Variants in DMXL1 observed in about 807,000 individuals in gnomAD.
DMXL1 encodes dmX-like protein 1.
A neutral mutation model predicts 319.2 loss-of-function variants in DMXL1; 99 were observed. That is an observed-to-expected ratio of 0.31 (90% CI 0.26 to 0.37). DMXL1 has a LOEUF of 0.37. Among genes scored for constraint, DMXL1 ranks in the 10% least tolerant of loss-of-function variants. The probability of loss-of-function intolerance (pLI) is 1.00; values close to 1 mark genes in which losing one functional copy is unlikely to be tolerated. For synonymous variants in DMXL1, 1,385 were observed against 1,235.2 expected, an observed-to-expected ratio of 1.12 and a Z score of -2.54; for missense variants, 3,745 against 3,595.6, an observed-to-expected ratio of 1.04 and a Z score of -1.06.
At chr5:119,080,163 A>G (rs571286881) in intron 1 of DMXL1, among the ~76,000 whole-genome samples, 1 of 152,270 alleles carries the variant, frequency 6.6e-6, no homozygotes, top group Non-Finnish European at 1.5e-5. Context: ...CCTGGCCAAC[A>G]TGATGAAACC....
chr5:119,097,551 A>G (rs1314334228), intron 1 of DMXL1, among the ~76,000 whole-genome samples: 1 of 152,170 alleles, frequency 6.6e-6, no homozygotes, highest in Non-Finnish European at 1.5e-5. Context: ...CCCCATCTCT[A>G]CTAAAAATAC....
chr5:119,089,399 G>A (rs1243542248), intron 1 of DMXL1, among the ~76,000 whole-genome samples: 5 of 140,560 alleles, frequency 3.6e-5, no homozygotes, highest in African/African-American at 1.3e-4. Context: ...TCTGCCTCCT[G>A]GGTTCAAGCA....
intron 10 of DMXL1, 126 bp from the exon 11 acceptor site, chr5:119,133,006 A>T: frequency 1.0e-6 from 1 of 986,262 alleles, no homozygotes; most frequent in Non-Finnish European, 1.5e-6. Context: ...GAAGGGGTAC[A>T]GAGCTTCCAT....
chr5:119,102,869 T>G (rs895931381), intron 3 of DMXL1, among the ~76,000 whole-genome samples: 1 of 152,068 alleles, frequency 6.6e-6, no homozygotes, highest in Non-Finnish European at 1.5e-5. Flanking sequence ...GTAAGGGAGC[T>G]AAATGATGAG....
chr5:119,175,513 C>T (rs1775627400), intron 26 of DMXL1, among the ~76,000 whole-genome samples, 176 bp downstream of exon 26: 4 of 152,076 alleles, frequency 2.6e-5, no homozygotes, highest in Admixed American at 2.6e-4. Context: ...AGATGAATCT[C>T]AAACCCTTAT....
At chr5:119,164,808 A>G (rs1173929000) in intron 20 of DMXL1, 132 bp downstream of exon 20, 9 of 699,078 alleles carry the variant, frequency 1.3e-5, no homozygotes, top group African/African-American at 1.8e-5. Flanking sequence ...TAGTCTTTAC[A>G]TTTCATTTAT....
At chr5:119,180,422 T>C (rs1776579127) in intron 28 of DMXL1, among the ~76,000 whole-genome samples, 1 of 152,128 alleles carries the variant, frequency 6.6e-6, no homozygotes, top group Admixed American at 6.5e-5. Flanking sequence ...CCATCCTGCC[T>C]ATTACTCATC....
intron 30 of DMXL1, among the ~76,000 whole-genome samples, chr5:119,196,064 C>G (rs758056901): frequency 6.6e-6 from 1 of 151,914 alleles, no homozygotes; most frequent in Admixed American, 6.6e-5. Context: ...TACTACATAC[C>G]GAAACTGACT....
At chr5:119,092,355 A>G (rs1255110729) in intron 1 of DMXL1, among the ~76,000 whole-genome samples, 1 of 151,854 alleles carries the variant, frequency 6.6e-6, no homozygotes, top group Non-Finnish European at 1.5e-5. Flanking sequence ...CCTGGGCTCA[A>G]GCGATCTTTT....
At chr5:119,150,498 G>A (rs1421125881) in intron 18 of DMXL1, 77 bp downstream of exon 18, 2 of 1,444,754 alleles carry the variant, frequency 1.4e-6, no homozygotes, top group African/African-American at 1.4e-5. Context: ...TTATTAAAAT[G>A]ATGCCATTGG....
chr5:119,071,982 T>A (rs566654254), intron 1 of DMXL1, among the ~76,000 whole-genome samples: 1 of 152,300 alleles, frequency 6.6e-6, no homozygotes, highest in African/African-American at 2.4e-5. Context: ...GGCTTTTTTA[T>A]ACCATTCTAT....
rs949108767 is a variant in DMXL1 at position 119,150,209 on chromosome 5, C to G, written c.4382C>G (p.Thr1461Arg). The G allele has an allele frequency of 6.2e-7, 1 of 1,613,656 alleles. No individual in the cohort carries two copies. The highest frequency in any genetic ancestry group is 8.5e-7 in the Non-Finnish European group (1 of 1,179,786). ...ATGACTGATACTCATATGTTAGAGA[C>G]AGATGAAGAAAATACAAAGCCTAGA... is the stretch of plus-strand genomic sequence containing the variant. The part of the protein sequence containing the change: ...LLMTDTHMLE[T>R]DEENTKPRVI... Residue 1461 changes from threonine (T) to arginine (R), a missense_variant, in exon 18 of 44, where the codon ACA becomes AGA. This residue lies in a region of DMXL1 where 2,096 missense variants were observed against 1,985.4 expected (regional missense o/e 1.06). Coordinates refer to ENST00000539542, the MANE Select transcript of DMXL1 (RefSeq NM_001290321.3).
At chr5:119,126,414 C>T (rs1192136296) in intron 9 of DMXL1, among the ~76,000 whole-genome samples, 2 of 152,122 alleles carry the variant, frequency 1.3e-5, no homozygotes, top group Admixed American at 6.5e-5. Context: ...TTGCAGCATC[C>T]TTTTATTTTG....
chr5:119,071,602 G>A lies in DMXL1; in HGVS notation c.33G>A (p.Val11=). MNLHQVLTGA[V]NPGDHCFSVG... The stretch of plus-strand genomic sequence containing the variant: ...TGCACCAGGTGCTGACCGGGGCTGT[G>A]AACCCTGGCGACCACTGCTTCTCCG... The change falls in exon 1 of 44, where the codon GTG becomes GTA. Residue 11 remains valine (V), a synonymous_variant. Transcript: ENST00000539542. The A allele has an allele frequency of 2.5e-6, 4 of 1,605,208 alleles. No homozygotes were observed. Among genetic ancestry groups the A allele is most frequent in the Non-Finnish European group, 2.6e-6 (3 of 1,176,326 alleles).
intron 39 of DMXL1, 110 bp from the exon 40 acceptor site, chr5:119,237,212 C>A: frequency 1.8e-6 from 1 of 561,878 alleles, no homozygotes; most frequent in South Asian, 3.2e-5. Flanking sequence ...AATCACATGA[C>A]ATACAGTCAA....
intron 31 of DMXL1, among the ~76,000 whole-genome samples, chr5:119,197,352 A>G (rs1237093562): frequency 1.3e-5 from 2 of 152,196 alleles, no homozygotes. Flanking sequence ...AAATTTCATA[A>G]TGTTTTAAGA....
intron 37 of DMXL1, among the ~76,000 whole-genome samples, chr5:119,222,964 C>A (rs1784892626): frequency 6.6e-6 from 1 of 152,010 alleles, no homozygotes; most frequent in South Asian, 2.1e-4. Context: ...AGGCATTTGC[C>A]CCTACCCACT....
chr5:119,135,481 G>A (rs1342695077), intron 13 of DMXL1, among the ~76,000 whole-genome samples: 2 of 152,138 alleles, frequency 1.3e-5, no homozygotes, highest in African/African-American at 2.4e-5. Context: ...TTGGGAAAAC[G>A]GACAGCCAGT....
chr5:119,188,215 T>G (rs1778089883), intron 28 of DMXL1, among the ~76,000 whole-genome samples: 1 of 152,182 alleles, frequency 6.6e-6, no homozygotes, highest in Non-Finnish European at 1.5e-5. Flanking sequence ...TTTAACATTG[T>G]ACGTGTTTTT....
Sources: gnomAD v4.1 joint callset for allele counts (sites outside exome capture counted in the v4.1 genomes callset) on GRCh38, gnomAD v4.1.1 for gene constraint, gnomAD v4.1.1 regional missense constraint, MANE v1.5 for transcripts, NCBI Gene and HGNC (gene_info 2026-07-23, HGNC 2026-07-21) for gene names.